PLEKHM3: variants seen among roughly 807,000 people sequenced by gnomAD.
The protein encoded by PLEKHM3 is pleckstrin homology domain containing M3.
A neutral mutation model predicts 81.8 loss-of-function variants in PLEKHM3; 45 were observed. The observed-to-expected ratio is 0.55, with a 90% CI of 0.43 to 0.71. The LOEUF (loss-of-function observed/expected upper bound fraction) is 0.71, where lower values mean the gene tolerates loss of function less well. Among genes scored for constraint, PLEKHM3 ranks in the 30% least tolerant of loss-of-function variants. The pLI, the probability that PLEKHM3 is intolerant of heterozygous loss-of-function variation, is 0.00. For synonymous variants in PLEKHM3, 352 were observed against 356.4 expected, an observed-to-expected ratio of 0.99 and a Z score of 0.14; for missense variants, 788 against 924.3, an observed-to-expected ratio of 0.85 and a Z score of 1.91.
At chr2:207,896,687 G>A (rs911239010) in intron 6 of PLEKHM3, among the ~76,000 whole-genome samples, 4 of 152,136 alleles carry the variant, frequency 2.6e-5, no homozygotes, top group Non-Finnish European at 5.9e-5. Flanking sequence ...TTCACAGCAG[G>A]GCCTCTCCCC....
intron 5 of PLEKHM3, among the ~76,000 whole-genome samples, chr2:207,918,767 T>C (rs1246340291): frequency 1.3e-5 from 2 of 152,200 alleles, no homozygotes; most frequent in African/African-American, 4.8e-5. Context: ...AACAAGTATT[T>C]ATTAGCCCCC....
chr2:207,959,666 C>T (rs185134082), intron 3 of PLEKHM3, among the ~76,000 whole-genome samples: 3 of 152,274 alleles, frequency 2.0e-5, no homozygotes, highest in Non-Finnish European at 4.4e-5. Flanking sequence ...CAAAACCTGT[C>T]CTCTCCTTTG....
chr2:207,847,277 C>T (rs571006541), intron 7 of PLEKHM3, among the ~76,000 whole-genome samples: 1 of 152,312 alleles, frequency 6.6e-6, no homozygotes, highest in East Asian at 1.9e-4. Flanking sequence ...TGTTAGCAGA[C>T]ATTCTGAAAC....
rs141528495 is a variant in PLEKHM3, at chr2:207,821,433, A to G, written c.*6886T>C. 1 of 152,332 alleles carries G rather than the reference A, an allele frequency of 6.6e-6. No individual in the cohort carries two copies. The allele number at this position is 152,332 out of a possible 1,614,324, so 9.4% of individuals were successfully genotyped here. A position where few individuals can be genotyped will look rare whatever the true frequency, so the allele number is the denominator to read the frequency against. On this transcript the variant is annotated 3_prime_UTR_variant, in exon 8 of 8. Coordinates refer to ENST00000427836, the MANE Select transcript of PLEKHM3 (RefSeq NM_001080475.3). ...CAATTTTATATTATTACAGTTACTG[A>G]TATTTTTAAAATAATGTAAACAAAA... is the stretch of plus-strand genomic sequence containing the variant.
At chr2:207,898,464 G>T (rs1162212814) in intron 6 of PLEKHM3, among the ~76,000 whole-genome samples, 1 of 152,124 alleles carries the variant, frequency 6.6e-6, no homozygotes, top group East Asian at 1.9e-4. Flanking sequence ...CCTTTAAAAC[G>T]TGAAATGGAC....
chr2:207,988,838 G>A (rs538958998), intron 2 of PLEKHM3, among the ~76,000 whole-genome samples: 8 of 151,966 alleles, frequency 5.3e-5, no homozygotes, highest in Non-Finnish European at 1.2e-4. Flanking sequence ...CCCTTGTCTC[G>A]CTCCAGCCAC....
At position 207,855,691 on chromosome 2, in the gene PLEKHM3, C is replaced by T. The variant is rs567075229; in HGVS notation, c.2108+5414G>A. On this transcript the variant is annotated intron_variant, in intron 7 of 7. Transcript: ENST00000427836. ...TGGCACTACCTCTATGGCCTTCCTC[C>T]CCAAACCCATAAAACCGACTCCACA... Among the ~76,000 whole-genome samples the T allele has an allele frequency of 9.2e-5, 14 of 152,176 alleles. No homozygotes were observed. The East Asian group carries it at 2.7e-3, about 29-fold the overall frequency.
chr2:207,978,290 A>G (rs1186828223), intron 2 of PLEKHM3, among the ~76,000 whole-genome samples: 1 of 150,316 alleles, frequency 6.7e-6, no homozygotes, highest in East Asian at 2.1e-4. Flanking sequence ...CCAGGGTTCC[A>G]TGTTTTCTAG....
chr2:207,860,211 GCATGTCTATGTGTTTA>G (rs2092460444), intron 7 of PLEKHM3, among the ~76,000 whole-genome samples: 1 of 145,052 alleles, frequency 6.9e-6, no homozygotes, highest in Non-Finnish European at 1.5e-5. Context: ...GTGTGTATCT[GCATGTCTATGTGTTTA>G]TGTGTCTGTT....
intron 6 of PLEKHM3, among the ~76,000 whole-genome samples, chr2:207,864,480 G>C (rs992364949): frequency 4.6e-5 from 7 of 152,144 alleles, no homozygotes; most frequent in African/African-American, 1.7e-4. Flanking sequence ...AACTTAATGA[G>C]GCATTTAAAG....
At chr2:207,842,741 G>A (rs1375522053) in intron 7 of PLEKHM3, among the ~76,000 whole-genome samples, 1 of 152,110 alleles carries the variant, frequency 6.6e-6, no homozygotes, top group Non-Finnish European at 1.5e-5. Flanking sequence ...GTTCTGCTGC[G>A]TACACAAGCC....
At chr2:207,887,279 G>T (rs1687912372) in intron 6 of PLEKHM3, among the ~76,000 whole-genome samples, 1 of 152,082 alleles carries the variant, frequency 6.6e-6, no homozygotes, top group Non-Finnish European at 1.5e-5. Flanking sequence ...TGCATCTAAG[G>T]CAATTTACTG....
At chr2:207,915,549 G>A (rs773949836) in intron 5 of PLEKHM3, among the ~76,000 whole-genome samples, 4 of 152,104 alleles carry the variant, frequency 2.6e-5, no homozygotes, top group Non-Finnish European at 4.4e-5. Flanking sequence ...TTTTCCTGAA[G>A]CTCAGTTCTT....
Position 207,838,818 on chromosome 2 carries a change from T to C in PLEKHM3, c.2109-10322A>G, listed in dbSNP as rs188171771. Among the ~76,000 whole-genome samples the C allele has an allele frequency of 1.1e-3, 169 of 152,312 alleles. 1 individual carries two copies. The highest frequency in any genetic ancestry group is 1.0e-3 in the Non-Finnish European group (70 of 68,014). On this transcript the variant is annotated intron_variant, in intron 7 of 7. Transcript: ENST00000427836. Reference sequence around the variant, plus strand: ...ACGGAGGATTTAAACATTTCTACCATTTCTGGGAAAAAGCTACACTGTATT... The same window carrying C: ...ACGGAGGATTTAAACATTTCTACCACTTCTGGGAAAAAGCTACACTGTATT...
intron 1 of PLEKHM3, among the ~76,000 whole-genome samples, chr2:208,003,074 C>T (rs1487854324): frequency 6.6e-6 from 1 of 152,014 alleles, no homozygotes; most frequent in Non-Finnish European, 1.5e-5. Flanking sequence ...TGGGAGGGAC[C>T]CAGTGGGAGG....
intron 3 of PLEKHM3, among the ~76,000 whole-genome samples, chr2:207,968,624 C>T (rs1691007738): frequency 6.6e-6 from 1 of 152,154 alleles, no homozygotes; most frequent in Non-Finnish European, 1.5e-5. Flanking sequence ...TTTGCATATC[C>T]CAAGGTGCCT....
At chr2:207,833,961 T>C (rs1157284719) in intron 7 of PLEKHM3, among the ~76,000 whole-genome samples, 1 of 152,178 alleles carries the variant, frequency 6.6e-6, no homozygotes, top group Non-Finnish European at 1.5e-5. Flanking sequence ...AAACCACTAA[T>C]ATTAATATTA....
At chr2:207,957,205 G>T (rs1020182440) in intron 3 of PLEKHM3, among the ~76,000 whole-genome samples, 1 of 152,170 alleles carries the variant, frequency 6.6e-6, no homozygotes, top group Admixed American at 6.5e-5. Flanking sequence ...TGAGCTACCA[G>T]ATCTACTGAT....
chr2:207,931,133 G>A lies in PLEKHM3; in HGVS notation c.1693-14C>T, dbSNP rs750440149. The A allele has an allele frequency of 1.5e-5, 24 of 1,595,864 alleles. No homozygotes were observed. The highest frequency in any genetic ancestry group is 2.0e-5 in the Non-Finnish European group (23 of 1,167,850). ...CTGCTTCGACACCTACAAAACAAGC[G>A]TCGTCAGTCAGTCCTGGAGAAGCAC... On this transcript the variant is annotated splice_polypyrimidine_tract_variant and intron_variant, in intron 4 of 7. Coordinates refer to ENST00000427836, the MANE Select transcript of PLEKHM3 (RefSeq NM_001080475.3).
Sources: gnomAD v4.1 joint callset for allele counts (sites outside exome capture counted in the v4.1 genomes callset) on GRCh38, gnomAD v4.1.1 for gene constraint, MANE v1.5 for transcripts, NCBI Gene and HGNC (gene_info 2026-07-23, HGNC 2026-07-21) for gene names.